Variants in CEP112 observed in about 807,000 individuals in gnomAD.
The protein encoded by CEP112 is centrosomal protein of 112 kDa.
A neutral mutation model predicts 153.0 loss-of-function variants in CEP112; 127 were observed. The observed-to-expected ratio is 0.83, with a 90% CI of 0.72 to 0.96. The LOEUF (loss-of-function observed/expected upper bound fraction) is 0.96. Among genes scored for constraint, CEP112 ranks in the 40% least tolerant of loss-of-function variants. The probability of loss-of-function intolerance (pLI) is 0.00; values close to 1 mark genes in which losing one functional copy is unlikely to be tolerated. For synonymous variants in CEP112, 358 were observed against 374.4 expected, an observed-to-expected ratio of 0.96 and a Z score of 0.51; for missense variants, 1,089 against 1,101.2, an observed-to-expected ratio of 0.99 and a Z score of 0.16.
chr17:65,663,536 C>A (rs1301132460), intron 24 of CEP112, among the ~76,000 whole-genome samples: 1 of 152,090 alleles, frequency 6.6e-6, no homozygotes, highest in African/African-American at 2.4e-5. Context: ...CTATTCTGAG[C>A]CAATTGGATG....
At chr17:66,169,472 G>A (rs2072151322) in intron 4 of CEP112, among the ~76,000 whole-genome samples, 1 of 151,942 alleles carries the variant, frequency 6.6e-6, no homozygotes, top group African/African-American at 2.4e-5. Flanking sequence ...TTTTAGTAGA[G>A]ACGGGGTTTC....
intron 11 of CEP112, among the ~76,000 whole-genome samples, chr17:66,055,772 A>G (rs2066655845): frequency 2.0e-5 from 3 of 152,204 alleles, no homozygotes. Context: ...TTTGTAGTTG[A>G]GACTACAAGG....
chr17:66,164,616 G>A lies in CEP112; in HGVS notation c.470+10428C>T, dbSNP rs546073286. Reference sequence around the variant, plus strand: ...CTCATGCCTGTAATCCCAGCACTTTGGGAGGCCGAGGCATATGGATCACAA... The same window carrying A: ...CTCATGCCTGTAATCCCAGCACTTTAGGAGGCCGAGGCATATGGATCACAA... On this transcript the variant is annotated intron_variant, in intron 4 of 26. Transcript: ENST00000535342. Among the ~76,000 whole-genome samples, 3 of 150,902 alleles carry A rather than the reference G, an allele frequency of 2.0e-5. No individual in the cohort carries two copies. In the East Asian group the frequency reaches 5.9e-4, roughly 29 times the overall value.
At chr17:65,710,256 T>G (rs1185975652) in intron 23 of CEP112, among the ~76,000 whole-genome samples, 1 of 152,240 alleles carries the variant, frequency 6.6e-6, no homozygotes, top group Admixed American at 6.5e-5. Context: ...CTTCTTGTCT[T>G]TAGCTGCTAT....
intron 21 of CEP112, among the ~76,000 whole-genome samples, chr17:65,786,304 G>A (rs191762623): frequency 1.3e-5 from 2 of 151,642 alleles, no homozygotes; most frequent in Admixed American, 1.3e-4. Context: ...TTTTCAAACA[G>A]GTTTTTTTTT....
At chr17:65,709,489 C>T (rs778391568) in intron 23 of CEP112, among the ~76,000 whole-genome samples, 14 of 152,196 alleles carry the variant, frequency 9.2e-5, no homozygotes, top group Non-Finnish European at 1.6e-4. Context: ...ATGAAACCAT[C>T]GGATCTCGTG....
rs117828494 is a variant in CEP112 at position 65,699,915 on chromosome 17, T to C, written c.2608-10697A>G. On this transcript the variant is annotated intron_variant, in intron 23 of 26. Coordinates refer to ENST00000535342, the MANE Select transcript of CEP112 (RefSeq NM_001199165.4). ...CTAACCAGTTATGAGACTTGTTCTC[T>C]GCAAGGTCAGCGATGATTCTCTTAC... 1.3e-3 allele frequency among the ~76,000 whole-genome samples: 199 copies of C among 152,370 alleles called. 6 individuals are homozygous for C. In the East Asian group the frequency reaches 0.03, roughly 23 times the overall value.
chr17:65,997,858 A>G (rs1255469126), intron 17 of CEP112, among the ~76,000 whole-genome samples: 1 of 152,018 alleles, frequency 6.6e-6, no homozygotes, highest in Non-Finnish European at 1.5e-5. Flanking sequence ...AAAATATTGG[A>G]AAGCAAAGTA....
chr17:65,860,068 T>C (rs1244612896), intron 20 of CEP112, among the ~76,000 whole-genome samples: 2 of 147,612 alleles, frequency 1.4e-5, no homozygotes, highest in African/African-American at 4.9e-5. Flanking sequence ...CATGACGGTA[T>C]ATATAAAAAA....
intron 11 of CEP112, among the ~76,000 whole-genome samples, chr17:66,056,140 T>G (rs1251017541): frequency 1.3e-5 from 2 of 152,088 alleles, no homozygotes; most frequent in African/African-American, 4.8e-5. Flanking sequence ...CAAGAAGAAT[T>G]TTTACCCAGA....
intron 21 of CEP112, among the ~76,000 whole-genome samples, chr17:65,759,653 G>A (rs901112752): frequency 2.0e-5 from 3 of 152,136 alleles, no homozygotes; most frequent in Admixed American, 1.3e-4. Flanking sequence ...GAGAAAACTG[G>A]ACAAAACAAA....
chr17:65,875,184 T>G (rs1459458139), intron 20 of CEP112, among the ~76,000 whole-genome samples: 1 of 151,530 alleles, frequency 6.6e-6, no homozygotes, highest in Non-Finnish European at 1.5e-5. Flanking sequence ...GATGAATTAT[T>G]TAGTCAGAAA....
rs76383932 is a variant in CEP112, at chr17:65,689,316, G to A, written c.2608-98C>T. The A allele has an allele frequency of 2.5e-3, 1,923 of 759,704 alleles. 22 individuals are homozygous for A. The African/African-American group carries it at 0.03, about 12-fold the overall frequency. The allele number at this position is 759,704 out of a possible 1,614,324, so 47.1% of individuals were successfully genotyped here. On this transcript the variant is annotated intron_variant, in intron 23 of 26. Transcript: ENST00000535342. ...GCACTAAAAAGGCCTCAGATCTCTA[G>A]TTTATTACTCTTGTTCCAAAGCATT...
At chr17:65,708,697 A>G (rs1272094859) in intron 23 of CEP112, among the ~76,000 whole-genome samples, 1 of 152,236 alleles carries the variant, frequency 6.6e-6, no homozygotes, top group African/African-American at 2.4e-5. Flanking sequence ...AACTGCAGAC[A>G]AAGTTTTAAA....
At chr17:65,917,254 G>A (rs942447579) in intron 19 of CEP112, among the ~76,000 whole-genome samples, 57 of 152,178 alleles carry the variant, frequency 3.7e-4, no homozygotes, top group Non-Finnish European at 4.0e-4. Context: ...TATGTAGCTG[G>A]GGTTCAAAAA....
intron 17 of CEP112, among the ~76,000 whole-genome samples, chr17:65,971,000 T>C (rs1380718462): frequency 1.3e-5 from 2 of 152,134 alleles, no homozygotes; most frequent in Non-Finnish European, 2.9e-5. Context: ...TGTAAAGGGC[T>C]TCTTATTTTG....
rs2065268120 is a variant in CEP112, at chr17:66,027,559, T to A, written c.1598A>T (p.Asp533Val). ...CTCCATCTGAAACTTATTTTCTTGATCCTGTGAATGATAAATGTTTATATT... is the reference window on the plus strand; with the variant it reads ...CTCCATCTGAAACTTATTTTCTTGAACCTGTGAATGATAAATGTTTATATT... Reference protein sequence around the residue: ...SELQRKQQLRDQENKFQMEKS... With the variant: ...SELQRKQQLRVQENKFQMEKS... Residue 533 changes from aspartate to valine, a missense_variant and splice_region_variant, in exon 16 of 27, where the codon GAT (aspartate) becomes GTT (valine). Coordinates refer to ENST00000535342, the MANE Select transcript of CEP112 (RefSeq NM_001199165.4). 7.8e-7 allele frequency: 1 copy of A among 1,284,644 alleles called. No individual in the cohort carries two copies. Among genetic ancestry groups the A allele is most frequent in the Non-Finnish European group, 1.0e-6 (1 of 958,194 alleles). 79.6% of individuals were successfully genotyped at this position (1,284,644 alleles called of 1,614,324 possible). A position where few individuals can be genotyped will look rare whatever the true frequency, so the allele number is the denominator to read the frequency against.
intron 21 of CEP112, among the ~76,000 whole-genome samples, chr17:65,831,943 A>G (rs2057099614): frequency 6.6e-6 from 1 of 152,238 alleles, no homozygotes; most frequent in Admixed American, 6.5e-5. Flanking sequence ...AATTGGACAA[A>G]AAACAATCTT....
chr17:66,132,168 CAAAAAAAAAAAAAAAAAAAAAAAA>C (rs56221578), intron 5 of CEP112, among the ~76,000 whole-genome samples: 2 of 39,884 alleles, frequency 5.0e-5, no homozygotes, highest in Admixed American at 3.9e-4. Flanking sequence ...GACTCCATCT[CAAAAAAAAAAAAAAAAAAAAAAAA>C]AAAAAAAAAA....
Sources: gnomAD v4.1 joint callset for allele counts (sites outside exome capture counted in the v4.1 genomes callset) on GRCh38, gnomAD v4.1.1 for gene constraint, MANE v1.5 for transcripts, NCBI Gene and HGNC (gene_info 2026-07-23, HGNC 2026-07-21) for gene names.